The following CHRM2 variants were observed in gnomAD, a reference collection of about 807,000 sequenced individuals.
CHRM2 encodes muscarinic acetylcholine receptor M2.
In CHRM2, 8 loss-of-function variants were observed where a neutral mutation model predicts 25.0. That is an observed-to-expected ratio of 0.32 (90% CI 0.19 to 0.58). CHRM2 has a LOEUF of 0.58. Ranked by LOEUF, CHRM2 falls within the 20% of genes least tolerant of loss-of-function variation. CHRM2 has a pLI of 0.88. For synonymous variants in CHRM2, 202 were observed against 205.7 expected (o/e 0.98, Z 0.15); for missense variants, 440 against 567.1 (o/e 0.78, Z 2.28).
intron 2 of CHRM2, among the ~76,000 whole-genome samples, chr7:136,885,309 A>G (rs1389475441): frequency 1.3e-5 from 2 of 152,232 alleles, no homozygotes; most frequent in Non-Finnish European, 2.9e-5. Flanking sequence ...GCTTGCTTGC[A>G]AAAGTGAGCA....
chr7:136,995,920 TTAATA>T lies in CHRM2; in HGVS notation c.-47+3665_-47+3669del, dbSNP rs542527291. On this transcript the variant is annotated intron_variant, in intron 3 of 3. Transcript: ENST00000680005. The stretch of plus-strand genomic sequence containing the variant: ...AAGTTGTACTTAAAATTAGAGCTTT[TTAATA>T]TAATATAAAATTTACAATAAAAAAT... 1.1e-4 allele frequency among the ~76,000 whole-genome samples: 17 copies of T among 151,966 alleles called. No individual in the cohort carries two copies. The South Asian group carries it at 1.9e-3, about 17-fold the overall frequency.
rs768011759 is a variant in CHRM2 at position 137,016,903 on chromosome 7, T to C, written c.*637T>C. 6.0e-6 allele frequency: 1 copy of C among 167,066 alleles called. No homozygotes were observed. Among genetic ancestry groups the C allele is most frequent in the African/African-American group, 2.4e-5 (1 of 41,416 alleles). 10.3% of individuals were successfully genotyped at this position (167,066 alleles called of 1,614,324 possible). On this transcript the variant is annotated 3_prime_UTR_variant, in exon 4 of 4. Coordinates refer to ENST00000680005, the MANE Select transcript of CHRM2 (RefSeq NM_001006630.2). ...CAGAAACCCCAACTAGGTCACACCA[T>C]TTTTCTTCTTGTTATGCCACTATTT...
At chr7:136,939,829 T>C (rs1028549693) in intron 2 of CHRM2, among the ~76,000 whole-genome samples, 5 of 152,286 alleles carry the variant, frequency 3.3e-5, no homozygotes, top group Admixed American at 1.3e-4. Flanking sequence ...GTAATGAAAA[T>C]TAAATATTGT....
chr7:136,879,397 T>A (rs187431208), intron 2 of CHRM2, among the ~76,000 whole-genome samples: 5 of 152,092 alleles, frequency 3.3e-5, no homozygotes, highest in African/African-American at 1.2e-4. Flanking sequence ...AGGCTAGATG[T>A]CCTAAGGGAT....
intron 3 of CHRM2, among the ~76,000 whole-genome samples, chr7:136,996,187 A>G (rs545729804): frequency 1.3e-5 from 2 of 152,102 alleles, no homozygotes; most frequent in Admixed American, 1.3e-4. Context: ...TACAGTTTAA[A>G]GTATAAAATA....
intron 2 of CHRM2, among the ~76,000 whole-genome samples, chr7:136,920,423 G>A (rs150209758): frequency 6.6e-6 from 1 of 152,270 alleles, no homozygotes; most frequent in African/African-American, 2.4e-5. Flanking sequence ...AGAACATACT[G>A]TGTTCATCAT....
chr7:136,900,535 C>T (rs766665709), intron 2 of CHRM2, among the ~76,000 whole-genome samples: 1 of 151,694 alleles, frequency 6.6e-6, no homozygotes, highest in Non-Finnish European at 1.5e-5. Context: ...TTGTGAAGTG[C>T]GAGGAGCCAT....
intron 2 of CHRM2, among the ~76,000 whole-genome samples, chr7:136,948,540 C>A (rs1031640442): frequency 6.6e-6 from 1 of 151,924 alleles, no homozygotes; most frequent in Admixed American, 6.6e-5. Context: ...AAGCACTTAG[C>A]GGAATCAGAA....
intron 2 of CHRM2, among the ~76,000 whole-genome samples, chr7:136,959,614 TAAG>T (rs1306805264): frequency 6.6e-6 from 1 of 152,128 alleles, no homozygotes; most frequent in African/African-American, 2.4e-5. Flanking sequence ...AAGCATATGT[TAAG>T]AAGGAAGTGA....
chr7:136,937,128 T>C (rs1799459667), intron 2 of CHRM2, among the ~76,000 whole-genome samples: 1 of 152,124 alleles, frequency 6.6e-6, no homozygotes, highest in Admixed American at 6.5e-5. Flanking sequence ...GGAATAAAAA[T>C]AGGTAGTTTT....
chr7:136,966,630 A>G (rs1801431480), intron 2 of CHRM2, among the ~76,000 whole-genome samples: 1 of 151,916 alleles, frequency 6.6e-6, no homozygotes, highest in African/African-American at 2.4e-5. Context: ...ACAATATTCT[A>G]TACAAATTCT....
At chr7:136,929,953 T>C (rs1330875380) in intron 2 of CHRM2, among the ~76,000 whole-genome samples, 1 of 151,920 alleles carries the variant, frequency 6.6e-6, no homozygotes, top group Non-Finnish European at 1.5e-5. Context: ...CCAAATGAAA[T>C]GAAATGATTA....
chr7:136,910,046 T>C (rs1049734534), intron 2 of CHRM2, among the ~76,000 whole-genome samples: 7 of 151,642 alleles, frequency 4.6e-5, no homozygotes, highest in Admixed American at 2.0e-4. Flanking sequence ...GTGGCAAATG[T>C]GATTTTTAGC....
chr7:136,902,837 TTAATA>T (rs1367877459), intron 2 of CHRM2: 2 of 282,422 alleles, frequency 7.1e-6, no homozygotes, highest in Non-Finnish European at 1.4e-5. Context: ...CAAGTACAAT[TTAATA>T]TGTTTGTTAT....
intron 2 of CHRM2, among the ~76,000 whole-genome samples, chr7:136,986,655 T>G (rs1219909084): frequency 6.6e-6 from 1 of 152,204 alleles, no homozygotes; most frequent in African/African-American, 2.4e-5. Context: ...AATATTTATC[T>G]TGTTAAAAAT....
rs141446849 is a variant in CHRM2, at chr7:136,948,291, G to C, written c.-124-43896G>C. On this transcript the variant is annotated intron_variant, in intron 2 of 3. Transcript: ENST00000680005. ...ATTATGGGGTCTTTCTACGGTGGTT[G>C]AGATGTTGGAAGAAAGAAAGGTGGT... Among the ~76,000 whole-genome samples, 561 of 152,216 alleles carry C rather than the reference G, an allele frequency of 3.7e-3. 4 individuals are homozygous for C. The highest frequency in any genetic ancestry group is 0.013 in the African/African-American group (530 of 41,542).
intron 2 of CHRM2, among the ~76,000 whole-genome samples, chr7:136,938,716 C>T (rs1156289822): frequency 6.6e-6 from 1 of 151,934 alleles, no homozygotes; most frequent in Non-Finnish European, 1.5e-5. Flanking sequence ...AGGACTGTAC[C>T]CCTCCTGCGC....
rs989496987 is a variant in CHRM2, at chr7:137,018,276, C to T, written c.*2010C>T. ...CAGTATTTATATTTGACTTATCCTT[C>T]GTAAAAACAATTTCCTGTTTAAATA... On this transcript the variant is annotated 3_prime_UTR_variant, in exon 4 of 4. Transcript: ENST00000680005. The T allele has an allele frequency of 6.6e-6, 1 of 151,746 alleles. No homozygotes were observed. Among genetic ancestry groups the T allele is most frequent in the African/African-American group, 2.4e-5 (1 of 41,376 alleles). 9.4% of individuals were successfully genotyped at this position (151,746 alleles called of 1,614,324 possible).
intron 2 of CHRM2, among the ~76,000 whole-genome samples, chr7:136,977,263 T>C (rs138361393): frequency 3.1e-4 from 47 of 152,326 alleles, no homozygotes; most frequent in Admixed American, 1.2e-3. Context: ...ATCTATTCTC[T>C]GTGGGACAGA....
Sources: allele counts gnomAD v4.1 joint callset (sites outside exome capture counted in the v4.1 genomes callset), GRCh38; gene constraint gnomAD v4.1.1; transcripts MANE v1.5; gene names NCBI Gene and HGNC (gene_info 2026-07-23, HGNC 2026-07-21).